The following ARID1A variants were observed in gnomAD, a reference collection of about 807,000 sequenced individuals.
ARID1A encodes AT-rich interaction domain 1A.
A neutral mutation model predicts 212.6 loss-of-function variants in ARID1A; 20 were observed. The ratio of observed to expected loss-of-function variants is 0.09; its 90% CI spans 0.07 to 0.14. The LOEUF (loss-of-function observed/expected upper bound fraction) is 0.14. Among genes scored for constraint, ARID1A ranks in the 10% least tolerant of loss-of-function variants. ARID1A has a pLI of 1.00. For synonymous variants in ARID1A, 1,376 were observed against 1,222.1 expected (o/e 1.13, Z -2.63); for missense variants, 2,587 against 3,059.0 (o/e 0.85, Z 3.64).
At chr1:26,697,629 C>G (rs1337834224) in intron 1 of ARID1A, 89 bp downstream of exon 1, 1 of 1,193,024 alleles carries the variant, frequency 8.4e-7, no homozygotes, top group African/African-American at 1.6e-5. Flanking sequence ...CCTTGGGCTC[C>G]CCTCAGTCCC....
In ARID1A at chr1:26,696,891, C is replaced by G; in HGVS notation, c.488C>G (p.Ala163Gly). 1.5e-6 allele frequency: 2 copies of G among 1,366,630 alleles called. No individual in the cohort carries two copies. The highest frequency in any genetic ancestry group is 3.8e-5 in the South Asian group (2 of 53,046). 84.7% of individuals were successfully genotyped at this position (1,366,630 alleles called of 1,614,324 possible). ...PYGRSPSAVA[A>G]AAAAVFHQQH... Reference sequence around the variant, plus strand: ...GGCCGGAGCCCGTCTGCCGTCGCCGCCGCCGCGGCCGCCGTCTTCCACCAA... The same window carrying G: ...GGCCGGAGCCCGTCTGCCGTCGCCGGCGCCGCGGCCGCCGTCTTCCACCAA... Residue 163 changes from alanine (A) to glycine (G), a missense_variant, in exon 1 of 20, where the codon GCC becomes GGC. Ala to Gly is a moderately conservative substitution (Grantham distance 60, BLOSUM62 0). Around this residue, in one of 11 missense-constraint regions of ARID1A, gnomAD observed 735 missense variants for 590.6 expected, o/e 1.24. Coordinates refer to ENST00000324856, the MANE Select transcript of ARID1A (RefSeq NM_006015.6).
At chr1:26,708,889 G>A (rs1013365592) in intron 1 of ARID1A, among the ~76,000 whole-genome samples, 7 of 151,662 alleles carry the variant, frequency 4.6e-5, no homozygotes, top group Non-Finnish European at 8.8e-5. Context: ...TAGAGATGGG[G>A]CTTCACCATG....
Position 26,732,438 on chromosome 1 carries a change from C to T in ARID1A, c.1804-238C>T, listed in dbSNP as rs111759906. Among the ~76,000 whole-genome samples, 4 of 152,160 alleles carry T rather than the reference C, an allele frequency of 2.6e-5. 1 individual carries two copies. Among genetic ancestry groups the T allele is most frequent in the African/African-American group, 9.6e-5 (4 of 41,488 alleles). On this transcript the variant is annotated intron_variant, in intron 3 of 19. Transcript: ENST00000324856. The stretch of plus-strand genomic sequence containing the variant: ...AGTTGGCCAGACATTAGCATTTAAC[C>T]CCAAGAAACAGCCCTCTGTAGGCAG...
chr1:26,710,782 T>C (rs565333477), intron 1 of ARID1A, among the ~76,000 whole-genome samples: 1 of 152,352 alleles, frequency 6.6e-6, no homozygotes, highest in South Asian at 2.1e-4. Flanking sequence ...CCTGAGGGGC[T>C]GCTTCTAAAT....
intron 1 of ARID1A, among the ~76,000 whole-genome samples, chr1:26,699,127 A>C (rs78879387): frequency 0.059 from 8,918 of 152,282 alleles, 363 homozygotes; most frequent in Non-Finnish European, 0.088. Flanking sequence ...GAGCTTTGAA[A>C]TAGAGACTGG....
intron 19 of ARID1A, chr1:26,778,423 A>T (rs1388073653): frequency 6.6e-6 from 1 of 152,134 alleles, no homozygotes; most frequent in East Asian, 1.9e-4. Flanking sequence ...TAAATGGCCT[A>T]TATATTATCC....
At position 26,697,239 on chromosome 1, in the gene ARID1A, C is replaced by A; in HGVS notation, c.836C>A (p.Pro279His). The A allele has an allele frequency of 7.3e-7, 1 of 1,373,130 alleles. No individual in the cohort carries two copies. Among genetic ancestry groups the A allele is most frequent in the East Asian group, 3.0e-5 (1 of 33,078 alleles). The allele number at this position is 1,373,130 out of a possible 1,614,324, so 85.1% of individuals were successfully genotyped here. A position where few individuals can be genotyped will look rare whatever the true frequency, so the allele number is the denominator to read the frequency against. ...QRFGAMGGGG[P>H]SAAGGGTPQP... ...TTCGGGGCCATGGGGGGAGGCGGCC[C>A]CTCCGCGGCCGGCGGGGGAACTCCC... Residue 279 changes from proline (P) to histidine (H), a missense_variant, in exon 1 of 20, where the codon CCC becomes CAC. By Grantham distance (77) the Pro-to-His change is moderately conservative. This residue lies in a region of ARID1A where 735 missense variants were observed against 590.6 expected (regional missense o/e 1.24). Coordinates refer to ENST00000324856, the MANE Select transcript of ARID1A (RefSeq NM_006015.6).
At chr1:26,744,977 C>T (rs1347790695) in intron 4 of ARID1A, among the ~76,000 whole-genome samples, 1 of 152,200 alleles carries the variant, frequency 6.6e-6, no homozygotes, top group African/African-American at 2.4e-5. Context: ...AAAAAATATG[C>T]TTCGTGAATA....
In ARID1A at chr1:26,696,422, C is replaced by G; in HGVS notation, c.19C>G (p.Pro7Ala). MAAQVA[P>A]AAASSLGNPP... ...GGGGATCATGGCCGCGCAGGTCGCC[C>G]CCGCCGCCGCCAGCAGCCTGGGCAA... is the stretch of plus-strand genomic sequence containing the variant. Residue 7 changes from proline (P) to alanine (A), a missense_variant, in exon 1 of 20, where the codon CCC becomes GCC. Transcript: ENST00000324856. 2 of 1,287,136 alleles carry G rather than the reference C, an allele frequency of 1.6e-6. No homozygotes were observed. Among genetic ancestry groups the G allele is most frequent in the Admixed American group, 3.8e-5 (1 of 26,310 alleles). 79.7% of individuals were successfully genotyped at this position (1,287,136 alleles called of 1,614,324 possible). A position where few individuals can be genotyped will look rare whatever the true frequency, so the allele number is the denominator to read the frequency against.
chr1:26,727,583 C>T (rs2080630557), intron 1 of ARID1A: 1 of 152,194 alleles, frequency 6.6e-6, no homozygotes, highest in African/African-American at 2.4e-5. Flanking sequence ...ACAAGCCCTT[C>T]CAGACCCAGT....
intron 1 of ARID1A, among the ~76,000 whole-genome samples, chr1:26,713,221 A>G (rs2080469910): frequency 2.0e-5 from 3 of 150,768 alleles, no homozygotes; most frequent in Admixed American, 2.0e-4. Context: ...TTCCTTTTTC[A>G]TTTTCTCCTT....
At chr1:26,770,991 C>T in intron 11 of ARID1A, 128 bp from the exon 12 acceptor site, 1 of 826,678 alleles carries the variant, frequency 1.2e-6, no homozygotes, top group Non-Finnish European at 1.9e-6. Flanking sequence ...GCAAGATTAA[C>T]TTTTTCAATT....
rs2080989389 is a variant in ARID1A at position 26,761,250 on chromosome 1, G to C, written c.2162-134G>C. The C allele has an allele frequency of 2.7e-6, 4 of 1,455,064 alleles. No individual in the cohort carries two copies. In the South Asian group the frequency reaches 4.0e-5, roughly 15 times the overall value. 90.1% of individuals were successfully genotyped at this position (1,455,064 alleles called of 1,614,324 possible). On this transcript the variant is annotated intron_variant, in intron 5 of 19. Transcript: ENST00000324856. ...TGGAGAAGGAGATTGGAACCTGTTG[G>C]CTGGATCTCTTTGTGTGTGATACTG...
At chr1:26,745,996 A>C (rs1261827365) in intron 4 of ARID1A, among the ~76,000 whole-genome samples, 1 of 152,042 alleles carries the variant, frequency 6.6e-6, no homozygotes, top group Non-Finnish European at 1.5e-5. Flanking sequence ...GGTTGCGGTG[A>C]GTCAAGATTG....
intron 1 of ARID1A, among the ~76,000 whole-genome samples, chr1:26,702,601 A>C (rs2080341791): frequency 6.6e-6 from 1 of 152,238 alleles, no homozygotes; most frequent in Non-Finnish European, 1.5e-5. Context: ...TTTGACAGGC[A>C]AATTAATAAA....
rs1002160828 is a variant in ARID1A at position 26,697,137 on chromosome 1, C to T, written c.734C>T (p.Ala245Val). 17 of 1,438,958 alleles carry T rather than the reference C, an allele frequency of 1.2e-5. No homozygotes were observed. The highest frequency in any genetic ancestry group is 8.9e-5 in the South Asian group (6 of 67,626). The allele number at this position is 1,438,958 out of a possible 1,614,324, so 89.1% of individuals were successfully genotyped here. The change falls in exon 1 of 20, where the codon GCG becomes GTG. Residue 245 changes from alanine to valine, a missense_variant. Around this residue, in one of 11 missense-constraint regions of ARID1A, gnomAD observed 735 missense variants for 590.6 expected, o/e 1.24. Transcript: ENST00000324856. ...RGGTPGSGAA[A>V]AAGSKPPPSS... ...GGCACTCCGGGCTCCGGCGCGGCGG[C>T]GGCTGCCGGCTCCAAGCCGCCTCCC...
At position 26,729,833 on chromosome 1, in the gene ARID1A, T is replaced by C; in HGVS notation, c.1320T>C (p.Ser440=). Residue 440 remains serine (S), a synonymous_variant, in exon 2 of 20, where the codon AGT becomes AGC. Transcript: ENST00000324856. ...YPMTMQGRAQ[S]AMGGLSYTQQ... is the part of the protein sequence containing the mutation. ...TGACCATGCAGGGCCGGGCGCAGAG[T>C]GCCATGGGCGGCCTCTCTTATACAC... is the stretch of plus-strand genomic sequence containing the variant. 6.2e-7 allele frequency: 1 copy of C among 1,614,148 alleles called. No individual in the cohort carries two copies. Among genetic ancestry groups the C allele is most frequent in the Non-Finnish European group, 8.5e-7 (1 of 1,180,038 alleles).
At position 26,696,526 on chromosome 1, in the gene ARID1A, GGCGGCA is replaced by G. The variant is rs1553145848; in HGVS notation, c.129_134del (p.Ala44_Ala45del). 2 of 1,227,346 alleles carry G rather than the reference GGCGGCA, an allele frequency of 1.6e-6. No individual in the cohort carries two copies. Among genetic ancestry groups the G allele is most frequent in the African/African-American group, 3.1e-5 (2 of 63,506 alleles). The allele number at this position is 1,227,346 out of a possible 1,614,324, so 76.0% of individuals were successfully genotyped here. ...AGGAGGCGGGGGGCGAGGCGGCGGC[GGCGGCA>G]GCGGCCGAGCGCGGGGAAATGAAGG... On this transcript the variant is annotated inframe_deletion, in exon 1 of 20. Transcript: ENST00000324856.
chr1:26,736,914 A>C (rs979111817), intron 4 of ARID1A, among the ~76,000 whole-genome samples: 1 of 151,790 alleles, frequency 6.6e-6, no homozygotes, highest in Non-Finnish European at 1.5e-5. Context: ...AAAAAAAAAA[A>C]AAAAAAAACC....
Sources: allele counts gnomAD v4.1 joint callset (sites outside exome capture counted in the v4.1 genomes callset), GRCh38; gene constraint gnomAD v4.1.1; regional missense constraint gnomAD v4.1.1; transcripts MANE v1.5; gene names NCBI Gene and HGNC (gene_info 2026-07-23, HGNC 2026-07-21).